The following RBBP4 variants were observed in gnomAD, a reference collection of about 807,000 sequenced individuals.
RBBP4 encodes the protein histone-binding protein RBBP4.
Under a neutral mutation model 57.2 loss-of-function variants are expected in RBBP4, and 3 were observed. That is an observed-to-expected ratio of 0.05 (90% CI 0.02 to 0.14). RBBP4 has a LOEUF of 0.14. Ranked by LOEUF, RBBP4 falls within the 10% of genes least tolerant of loss-of-function variation. RBBP4 has a pLI of 1.00. For synonymous variants in RBBP4, 151 were observed against 171.5 expected (o/e 0.88, Z 0.93); for missense variants, 107 against 520.6 (o/e 0.21, Z 7.73).
chr1:32,654,974 C>A (rs901889323), intron 2 of RBBP4, among the ~76,000 whole-genome samples: 2 of 152,078 alleles, frequency 1.3e-5, no homozygotes, highest in Non-Finnish European at 2.9e-5. Flanking sequence ...GGATTACAGG[C>A]GTGAGCTAGT....
chr1:32,652,999 C>G (rs1647952651), intron 2 of RBBP4, among the ~76,000 whole-genome samples: 1 of 152,118 alleles, frequency 6.6e-6, no homozygotes, highest in South Asian at 2.1e-4. Flanking sequence ...TAGAAAACAC[C>G]TGAAGGTGGA....
At chr1:32,678,865 A>C (rs1649245382) in intron 11 of RBBP4, among the ~76,000 whole-genome samples, 1 of 152,048 alleles carries the variant, frequency 6.6e-6, no homozygotes, top group Non-Finnish European at 1.5e-5. Flanking sequence ...CTGGGATTAC[A>C]GGTATGAGCC....
chr1:32,656,978 A>C (rs1029821059), intron 2 of RBBP4, among the ~76,000 whole-genome samples: 2 of 152,194 alleles, frequency 1.3e-5, no homozygotes, highest in Admixed American at 6.5e-5. Flanking sequence ...GTAATTAAGT[A>C]GAAAATATGG....
intron 11 of RBBP4, among the ~76,000 whole-genome samples, chr1:32,673,856 T>C (rs1435641755): frequency 6.6e-6 from 1 of 152,060 alleles, no homozygotes; most frequent in East Asian, 1.9e-4. Flanking sequence ...CCCAGTACTC[T>C]GGGAGGCCGA....
At chr1:32,666,824 C>G (rs962076838) in intron 3 of RBBP4, among the ~76,000 whole-genome samples, 5 of 152,128 alleles carry the variant, frequency 3.3e-5, no homozygotes, top group Non-Finnish European at 7.3e-5. Flanking sequence ...CATTATCAAT[C>G]ATTAGTATAA....
chr1:32,673,706 G>A, intron 11 of RBBP4: 1 of 185,308 alleles, frequency 5.4e-6, no homozygotes, highest in Non-Finnish European at 1.2e-5. Flanking sequence ...GGAGTGCTGG[G>A]ATTGCAGGCA....
chr1:32,651,419 G>T, intron 1 of RBBP4, 97 bp downstream of exon 1: 1 of 1,382,366 alleles, frequency 7.2e-7, no homozygotes, highest in South Asian at 1.7e-5. Flanking sequence ...CGAGTTTGCC[G>T]AGTGCAGTCC....
rs114512877 is a variant in RBBP4, at chr1:32,662,197, T to G, written c.310+4625T>G. The G allele has an allele frequency of 1.4e-3, 489 of 345,626 alleles. 2 individuals are homozygous for G. The highest frequency in any genetic ancestry group is 1.0e-2 in the African/African-American group (456 of 45,606). The allele number at this position is 345,626 out of a possible 1,614,324, so 21.4% of individuals were successfully genotyped here. ...CCGCGCCCGGGTTTTTTTGTTTTTT[T>G]GGGGTTTTGTTTTATTTTTTTAACA... On this transcript the variant is annotated intron_variant, in intron 3 of 11. Coordinates refer to ENST00000373493, the MANE Select transcript of RBBP4 (RefSeq NM_005610.3).
At chr1:32,654,264 C>A (rs767652083) in intron 2 of RBBP4, among the ~76,000 whole-genome samples, 3 of 152,062 alleles carry the variant, frequency 2.0e-5, no homozygotes, top group Non-Finnish European at 4.4e-5. Flanking sequence ...AGTCCCAGCT[C>A]CTCAGTGGGG....
chr1:32,664,429 C>G (rs1421304971), intron 3 of RBBP4, among the ~76,000 whole-genome samples: 1 of 151,984 alleles, frequency 6.6e-6, no homozygotes, highest in East Asian at 1.9e-4. Context: ...TGCCTCTTTT[C>G]TGGCAGCTAT....
In RBBP4 at chr1:32,662,537, C is replaced by A. The variant is rs189146447; in HGVS notation, c.310+4965C>A. Among the ~76,000 whole-genome samples, 3 of 151,872 alleles carry A rather than the reference C, an allele frequency of 2.0e-5. No homozygotes were observed. The South Asian group carries it at 6.2e-4, about 32-fold the overall frequency. On this transcript the variant is annotated intron_variant, in intron 3 of 11. Coordinates refer to ENST00000373493, the MANE Select transcript of RBBP4 (RefSeq NM_005610.3). ...GATTACAGGCATGCACCACCACACC[C>A]GGCTAATTTTGTATTTTTTGTAGAG...
At chr1:32,655,993 AGAT>A (rs1248749164) in intron 2 of RBBP4, among the ~76,000 whole-genome samples, 1 of 152,176 alleles carries the variant, frequency 6.6e-6, no homozygotes, top group Non-Finnish European at 1.5e-5. Flanking sequence ...ACAAGTTCCC[AGAT>A]GATGTGGATG....
intron 3 of RBBP4, among the ~76,000 whole-genome samples, chr1:32,666,303 A>T (rs1648643368): frequency 6.6e-6 from 1 of 152,234 alleles, no homozygotes; most frequent in Admixed American, 6.5e-5. Context: ...TCATTATAGT[A>T]GTAGCATTGG....
At chr1:32,673,537 G>C (rs547710232) in intron 11 of RBBP4, 1 of 401,880 alleles carries the variant, frequency 2.5e-6, no homozygotes. Flanking sequence ...TCCCAGGTTC[G>C]ATCGATTCTC....
intron 11 of RBBP4, among the ~76,000 whole-genome samples, chr1:32,675,623 G>A (rs1243240455): frequency 6.6e-6 from 1 of 151,740 alleles, no homozygotes; most frequent in Non-Finnish European, 1.5e-5. Flanking sequence ...CAAAAAATTA[G>A]CCGGGCGTGG....
chr1:32,657,190 C>T (rs780267618), intron 2 of RBBP4, among the ~76,000 whole-genome samples: 4 of 152,122 alleles, frequency 2.6e-5, no homozygotes, highest in Non-Finnish European at 5.9e-5. Context: ...GCATGAGAAT[C>T]GCTTGAATCC....
intron 2 of RBBP4, among the ~76,000 whole-genome samples, chr1:32,653,986 T>C (rs1434240956): frequency 2.0e-5 from 3 of 152,098 alleles, no homozygotes; most frequent in African/African-American, 7.2e-5. Flanking sequence ...GACCAGGAGT[T>C]CCCACATGCA....
At chr1:32,666,412 G>C (rs564691678) in intron 3 of RBBP4, among the ~76,000 whole-genome samples, 1 of 151,224 alleles carries the variant, frequency 6.6e-6, no homozygotes, top group Non-Finnish European at 1.5e-5. Flanking sequence ...AGGCTGGAGT[G>C]CAGTGGCACG....
intron 3 of RBBP4, among the ~76,000 whole-genome samples, chr1:32,658,728 A>G (rs1222574897): frequency 6.6e-6 from 1 of 151,796 alleles, no homozygotes; most frequent in Non-Finnish European, 1.5e-5. Flanking sequence ...TTGTATTTTT[A>G]GTAGAGACAG....
Sources: allele counts gnomAD v4.1 joint callset (sites outside exome capture counted in the v4.1 genomes callset), GRCh38; gene constraint gnomAD v4.1.1; transcripts MANE v1.5; gene names NCBI Gene and HGNC (gene_info 2026-07-23, HGNC 2026-07-21).